Variants in ADAMTS3 observed in about 807,000 individuals in gnomAD.
ADAMTS3 encodes ADAM metallopeptidase with thrombospondin type 1 motif 3, also known as A disintegrin and metalloproteinase with thrombospondin motifs 3.
Under a neutral mutation model 129.0 loss-of-function variants are expected in ADAMTS3, and 73 were observed. That is an observed-to-expected ratio of 0.57 (90% CI 0.47 to 0.69). ADAMTS3 has a LOEUF of 0.69. Among genes scored for constraint, ADAMTS3 ranks in the 30% least tolerant of loss-of-function variants. The pLI is 0.00. For missense variants in ADAMTS3, 1,457 were observed against 1,514.5 expected (o/e 0.96, Z 0.63); for synonymous variants, 477 against 510.8 (o/e 0.93, Z 0.89).
chr4:72,539,482 C>T (rs538612046), intron 3 of ADAMTS3, among the ~76,000 whole-genome samples: 382 of 106,722 alleles, frequency 3.6e-3, no homozygotes, highest in African/African-American at 0.013. Flanking sequence ...TTTAGGATGG[C>T]TACTATCAGA....
In ADAMTS3 at chr4:72,400,338, GGTGTGTA is replaced by G. The variant is rs1560501866; in HGVS notation, c.661+14470_661+14476del. On this transcript the variant is annotated intron_variant, in intron 4 of 21. Coordinates refer to ENST00000286657, the MANE Select transcript of ADAMTS3 (RefSeq NM_014243.3). ...ACATGGTGTGTGTATATATACACAC[GGTGTGTA>G]TATATACGTGTGCATAGATATGCAC... Among the ~76,000 whole-genome samples the G allele has an allele frequency of 2.8e-3, 402 of 141,546 alleles. 11 individuals carry two copies. The highest frequency in any genetic ancestry group is 0.011 in the African/African-American group (383 of 35,976). The allele number at this position is 141,546 out of a possible 152,430, so 92.9% of individuals were successfully genotyped here.
At chr4:72,324,321 T>A (rs978881789) in intron 5 of ADAMTS3, among the ~76,000 whole-genome samples, 1 of 152,120 alleles carries the variant, frequency 6.6e-6, no homozygotes, top group South Asian at 2.1e-4. Flanking sequence ...GAAGTCTCAA[T>A]TGAATTGTTT....
At chr4:72,546,470 C>A (rs1031778254) in intron 3 of ADAMTS3, among the ~76,000 whole-genome samples, 23 of 151,742 alleles carry the variant, frequency 1.5e-4, no homozygotes, top group Non-Finnish European at 3.4e-4. Context: ...AAGTTGAAAA[C>A]CTCTGTCCTA....
intron 4 of ADAMTS3, among the ~76,000 whole-genome samples, chr4:72,344,213 C>A (rs979369379): frequency 6.6e-6 from 1 of 152,088 alleles, no homozygotes; most frequent in African/African-American, 2.4e-5. Context: ...ATATAACTTT[C>A]TTTGCTGATT....
chr4:72,504,510 C>T (rs1720106568), intron 3 of ADAMTS3, among the ~76,000 whole-genome samples: 1 of 151,968 alleles, frequency 6.6e-6, no homozygotes, highest in Non-Finnish European at 1.5e-5. Flanking sequence ...TTTTCTTTAG[C>T]ACTGGATTTG....
chr4:72,292,846 A>T (rs1349362679), intron 19 of ADAMTS3, among the ~76,000 whole-genome samples: 1 of 152,194 alleles, frequency 6.6e-6, no homozygotes, highest in East Asian at 1.9e-4. Context: ...TTAGCTTGTC[A>T]AACTGGTGGT....
intron 3 of ADAMTS3, among the ~76,000 whole-genome samples, chr4:72,477,196 A>G (rs971104534): frequency 1.3e-5 from 2 of 152,172 alleles, no homozygotes; most frequent in African/African-American, 4.8e-5. Context: ...CGGACCTAAT[A>G]GACATTTACA....
intron 3 of ADAMTS3, among the ~76,000 whole-genome samples, chr4:72,528,248 G>C (rs1313655017): frequency 6.6e-6 from 1 of 151,196 alleles, no homozygotes; most frequent in Non-Finnish European, 1.5e-5. Context: ...ATTTGTATTG[G>C]TTTCTGTTGC....
chr4:72,359,396 T>C (rs1452146038), intron 4 of ADAMTS3, among the ~76,000 whole-genome samples: 1 of 152,044 alleles, frequency 6.6e-6, no homozygotes, highest in Non-Finnish European at 1.5e-5. Flanking sequence ...TTCCTCAAGA[T>C]ATAGTGTATA....
rs576803827 is a variant in ADAMTS3 at position 72,387,696 on chromosome 4, A to G, written c.661+27119T>C. On this transcript the variant is annotated intron_variant, in intron 4 of 21. Transcript: ENST00000286657. ...TTTTGGGGTGAACTTCCTATATTGA[A>G]TACAGTACTATCAAAATTTTCTCTT... 6.6e-5 allele frequency among the ~76,000 whole-genome samples: 10 copies of G among 152,280 alleles called. No individual in the cohort carries two copies. In the South Asian group the frequency reaches 2.1e-3, roughly 32 times the overall value.
chr4:72,469,093 ACT>A (rs1718996445), intron 3 of ADAMTS3, among the ~76,000 whole-genome samples: 2 of 151,846 alleles, frequency 1.3e-5, no homozygotes, highest in African/African-American at 4.8e-5. Flanking sequence ...ACAAATTAGC[ACT>A]CTTGTGCCCT....
At chr4:72,304,247 T>C (rs1719028741) in intron 16 of ADAMTS3, among the ~76,000 whole-genome samples, 167 bp from the exon 17 acceptor site, 1 of 152,184 alleles carries the variant, frequency 6.6e-6, no homozygotes, top group African/African-American at 2.4e-5. Flanking sequence ...TTGTCTTGAT[T>C]AGGCATTCAA....
At chr4:72,377,047 A>G in intron 4 of ADAMTS3, among the ~76,000 whole-genome samples, 1 of 152,178 alleles carries the variant, frequency 6.6e-6, no homozygotes, top group East Asian at 1.9e-4. Context: ...GCCTTACCAG[A>G]TGTTAAAATA....
intron 20 of ADAMTS3, among the ~76,000 whole-genome samples, chr4:72,290,525 A>G (rs1021717234): frequency 6.6e-6 from 1 of 152,184 alleles, no homozygotes; most frequent in Non-Finnish European, 1.5e-5. Flanking sequence ...AAGAGGAGTT[A>G]GTGCAGTGCC....
At chr4:72,320,944 C>G in intron 6 of ADAMTS3, 74 bp from the exon 7 acceptor site, 1 of 1,464,834 alleles carries the variant, frequency 6.8e-7, no homozygotes, top group Admixed American at 2.1e-5. Flanking sequence ...TCCTCTGAAG[C>G]TGAATTTGGG....
chr4:72,567,193 GC>G (rs1001000364), intron 2 of ADAMTS3, among the ~76,000 whole-genome samples, 180 bp downstream of exon 2: 1 of 152,096 alleles, frequency 6.6e-6, no homozygotes, highest in Non-Finnish European at 1.5e-5. Flanking sequence ...CTATAATTTA[GC>G]CCCAGGAAAG....
intron 3 of ADAMTS3, among the ~76,000 whole-genome samples, chr4:72,529,273 G>C (rs1328030686): frequency 1.3e-5 from 2 of 152,216 alleles, no homozygotes; most frequent in African/African-American, 4.8e-5. Context: ...ACTGAAACCA[G>C]TTCTTGTAGG....
chr4:72,545,587 G>A (rs987086975), intron 3 of ADAMTS3, among the ~76,000 whole-genome samples: 3 of 152,198 alleles, frequency 2.0e-5, no homozygotes, highest in Admixed American at 6.6e-5. Context: ...CAGTCCTGGT[G>A]TAGCCTGGTG....
intron 3 of ADAMTS3, among the ~76,000 whole-genome samples, chr4:72,519,504 T>C (rs952874730): frequency 6.6e-6 from 1 of 152,214 alleles, no homozygotes; most frequent in African/African-American, 2.4e-5. Context: ...TCTTTTCACA[T>C]AGTCCCATAT....
Sources: gnomAD v4.1 joint callset for allele counts (sites outside exome capture counted in the v4.1 genomes callset) on GRCh38, gnomAD v4.1.1 for gene constraint, MANE v1.5 for transcripts, NCBI Gene and HGNC (gene_info 2026-07-23, HGNC 2026-07-21) for gene names.